The following FBXO47 variants were observed in gnomAD, a reference collection of about 807,000 sequenced individuals.
The protein encoded by FBXO47 is F-box only protein 47.
FBXO47 carries 34 observed loss-of-function variants against 53.9 expected under a neutral mutation model. The observed-to-expected ratio is 0.63, with a 90% CI of 0.48 to 0.84. The LOEUF is 0.84. Ranked by LOEUF, FBXO47 falls within the 40% of genes least tolerant of loss-of-function variation. FBXO47 has a pLI of 0.00. For synonymous variants in FBXO47, 165 were observed against 181.6 expected, an observed-to-expected ratio of 0.91 and a Z score of 0.73; for missense variants, 485 against 541.3, an observed-to-expected ratio of 0.90 and a Z score of 1.03.
intron 5 of FBXO47, 24 bp from the exon 6 acceptor site, chr17:38,951,713 GT>G: frequency 6.5e-7 from 1 of 1,528,904 alleles, no homozygotes; most frequent in Non-Finnish European, 9.0e-7. Context: ...AGAAAACATT[GT>G]GGATATTCAG....
chr17:38,948,208 T>A (rs1905034439), intron 6 of FBXO47, among the ~76,000 whole-genome samples: 1 of 41,462 alleles, frequency 2.4e-5, no homozygotes, highest in African/African-American at 1.7e-4. Context: ...CTATTCTGGA[T>A]TTTTTTTTTT....
At position 38,957,213 on chromosome 17, in the gene FBXO47, C is replaced by G; in HGVS notation, c.393G>C (p.Lys131Asn). The change falls in exon 4 of 11, where the codon AAG (lysine) becomes AAC (asparagine). Residue 131 changes from lysine (K) to asparagine (N), a missense_variant. Transcript: ENST00000378079. ...TCTTGTGAATGTATTTTAGCCTTTC[C>G]TTGGTGGGTAGCAGCAATGTGCATC... Reference protein sequence around the residue: ...FKRCTLLLPTKERLKYIHKIL... With the variant: ...FKRCTLLLPTNERLKYIHKIL... The G allele has an allele frequency of 6.2e-7, 1 of 1,611,802 alleles. No individual in the cohort carries two copies.
At chr17:38,961,740 A>G (rs1905822244) in intron 3 of FBXO47, 137 bp downstream of exon 3, 1 of 716,408 alleles carries the variant, frequency 1.4e-6, no homozygotes, top group Non-Finnish European at 2.3e-6. Flanking sequence ...TTCTCACACT[A>G]AAGAGTAAAA....
chr17:38,963,143 C>T (rs1480179629), intron 1 of FBXO47, 92 bp from the exon 2 acceptor site: 3 of 745,324 alleles, frequency 4.0e-6, no homozygotes, highest in East Asian at 2.5e-5. Flanking sequence ...GTTGATAGTA[C>T]GATATGCAAT....
At chr17:38,966,413 C>T (rs1446240954) in intron 1 of FBXO47, among the ~76,000 whole-genome samples, 2 of 152,070 alleles carry the variant, frequency 1.3e-5, no homozygotes, top group East Asian at 3.9e-4. Flanking sequence ...TGTTAGCCAG[C>T]CTGGTCTCGA....
intron 1 of FBXO47, among the ~76,000 whole-genome samples, chr17:38,966,169 A>T (rs1193088334): frequency 6.6e-6 from 1 of 152,084 alleles, no homozygotes. Context: ...TTAATCCATA[A>T]GGCTGTTTGT....
intron 3 of FBXO47, 75 bp from the exon 4 acceptor site, chr17:38,957,328 T>C: frequency 2.0e-6 from 2 of 1,020,450 alleles, no homozygotes; most frequent in African/African-American, 3.2e-5. Flanking sequence ...AGAATAATGT[T>C]TCCTGAAAGT....
chr17:38,946,835 T>TATATATAA (rs1904923894), intron 6 of FBXO47, among the ~76,000 whole-genome samples: 2 of 107,394 alleles, frequency 1.9e-5, no homozygotes, highest in South Asian at 2.8e-4. Context: ...AATATATAAA[T>TATATATAA]ATATATAAAC....
intron 6 of FBXO47, among the ~76,000 whole-genome samples, chr17:38,947,229 G>T (rs1221795456): frequency 6.6e-6 from 1 of 151,162 alleles, no homozygotes; most frequent in Non-Finnish European, 1.5e-5. Flanking sequence ...GAACCCTGGA[G>T]ATGGAGGTGG....
chr17:38,943,719 C>G lies in FBXO47; in HGVS notation c.811G>C (p.Glu271Gln). ...SPQDGQVVWQ[E>Q]MIEEPTDEFS... ...TCATCTGTAGGTTCTTCTATCATTT[C>G]CTGCCAAACCACCTGTCCTGAATTG... Residue 271 changes from glutamate to glutamine, a missense_variant, in exon 8 of 11, where the codon GAA (glutamate) becomes CAA (glutamine). Coordinates refer to ENST00000378079, the MANE Select transcript of FBXO47 (RefSeq NM_001008777.3). 1 of 1,607,046 alleles carries G rather than the reference C, an allele frequency of 6.2e-7. No individual in the cohort carries two copies. The highest frequency in any genetic ancestry group is 8.5e-7 in the Non-Finnish European group (1 of 1,178,064).
At position 38,946,326 on chromosome 17, in the gene FBXO47, A is replaced by G. The variant is rs1478354974; in HGVS notation, c.617-1190T>C. Among the ~76,000 whole-genome samples, 2 of 96,284 alleles carry G rather than the reference A, an allele frequency of 2.1e-5. 1 individual carries two copies. The highest frequency in any genetic ancestry group is 9.4e-5 in the African/African-American group (2 of 21,268). The allele number at this position is 96,284 out of a possible 152,430, so 63.2% of individuals were successfully genotyped here. ...TATATAAATATATAAATATATATAA[A>G]TATATAAATATATATAAATATATAA... On this transcript the variant is annotated intron_variant, in intron 6 of 10. Coordinates refer to ENST00000378079, the MANE Select transcript of FBXO47 (RefSeq NM_001008777.3).
Position 38,937,239 on chromosome 17 carries a change from T to C in FBXO47, c.1295A>G (p.His432Arg), listed in dbSNP as rs370269246. Residue 432 changes from histidine to arginine, a missense_variant, in exon 11 of 11, where the codon CAT becomes CGT. Transcript: ENST00000378079. The part of the protein sequence containing the change: ...RSFLNLFHLV[H>R]AQANFHKEVL... ...CTCCTTATGGAAGTTAGCCTGAGCA[T>C]GTACAAGATGGAACAAATTCAAAAA... is the stretch of plus-strand genomic sequence containing the variant. 3.1e-6 allele frequency: 5 copies of C among 1,611,168 alleles called. No homozygotes were observed. The highest frequency in any genetic ancestry group is 4.2e-6 in the Non-Finnish European group (5 of 1,177,872).
At chr17:38,941,680 G>T (rs998240271) in intron 9 of FBXO47, among the ~76,000 whole-genome samples, 1 of 147,982 alleles carries the variant, frequency 6.8e-6, no homozygotes, top group African/African-American at 2.5e-5. Context: ...GCGTGTGTGT[G>T]TGTATTGAGA....
chr17:38,960,140 G>T (rs9901500), intron 3 of FBXO47, among the ~76,000 whole-genome samples: 25,140 of 151,718 alleles, frequency 0.17, 2,373 homozygotes, highest in Middle Eastern at 0.34. Flanking sequence ...TTATTTTAAT[G>T]TCTGAAAATA....
At chr17:38,943,565 CTA>C in intron 8 of FBXO47, 23 bp downstream of exon 8, 2 of 1,411,058 alleles carry the variant, frequency 1.4e-6, no homozygotes, top group Non-Finnish European at 1.9e-6. Context: ...TTCTATTATT[CTA>C]TGTTAGTAAA....
At chr17:38,944,306 A>C (rs1904645982) in intron 7 of FBXO47, among the ~76,000 whole-genome samples, 1 of 151,304 alleles carries the variant, frequency 6.6e-6, no homozygotes, top group Non-Finnish European at 1.5e-5. Flanking sequence ...TGGGAGGATC[A>C]CTTGAGCCCA....
chr17:38,949,776 C>T (rs1388282599), intron 6 of FBXO47, among the ~76,000 whole-genome samples: 4 of 152,104 alleles, frequency 2.6e-5, no homozygotes, highest in Non-Finnish European at 5.9e-5. Flanking sequence ...ACTCCATTGC[C>T]CATGCTAGAA....
At chr17:38,965,709 T>TAA (rs71141742) in intron 1 of FBXO47, among the ~76,000 whole-genome samples, 16 of 61,614 alleles carry the variant, frequency 2.6e-4, no homozygotes, top group South Asian at 7.3e-4. Flanking sequence ...CCTTCTCTAC[T>TAA]AAAAAAAAAA....
chr17:38,955,035 A>AT (rs1905478401), intron 4 of FBXO47, 102 bp from the exon 5 acceptor site: 3 of 851,628 alleles, frequency 3.5e-6, no homozygotes, highest in East Asian at 2.6e-5. Context: ...ATAAGCAAGA[A>AT]TTTTTTCAGC....
Sources: allele counts gnomAD v4.1 joint callset (sites outside exome capture counted in the v4.1 genomes callset), GRCh38; gene constraint gnomAD v4.1.1; transcripts MANE v1.5; gene names NCBI Gene and HGNC (gene_info 2026-07-23, HGNC 2026-07-21).